GALNT13: variants seen among roughly 807,000 people sequenced by gnomAD.
GALNT13 encodes the protein polypeptide N-acetylgalactosaminyltransferase 13, also known as UDP-GalNAc:polypeptide N-acetylgalactosaminyltransferase 13.
A neutral mutation model predicts 64.2 loss-of-function variants in GALNT13; 28 were observed. The ratio of observed to expected loss-of-function variants is 0.44; its 90% CI spans 0.32 to 0.60. The LOEUF is 0.60. GALNT13 is among the 20% of genes least tolerant of loss of function. GALNT13 has a pLI of 0.05. For synonymous variants in GALNT13, 214 were observed against 224.6 expected, an observed-to-expected ratio of 0.95 and a Z score of 0.42; for missense variants, 577 against 669.8, an observed-to-expected ratio of 0.86 and a Z score of 1.53.
chr2:153,385,249 G>A, the GALNT13 span, among the ~76,000 whole-genome samples: 1 of 152,034 alleles, frequency 6.6e-6, no homozygotes, highest in Non-Finnish European at 1.5e-5. Context: ...GCTTGTTGCA[G>A]CACTGTTAAC....
chr2:153,606,877 T>G, the GALNT13 span, among the ~76,000 whole-genome samples: 1 of 151,886 alleles, frequency 6.6e-6, no homozygotes, highest in Non-Finnish European at 1.5e-5. Context: ...TTTTTTTTTT[T>G]TTTTTCGTGG....
At chr2:154,021,849 A>G (rs1467567644) in intron 3 of GALNT13, among the ~76,000 whole-genome samples, 3 of 149,998 alleles carry the variant, frequency 2.0e-5, no homozygotes, top group Non-Finnish European at 4.5e-5. Context: ...TGTCATAGAT[A>G]GCTCTTATTA....
chr2:153,789,427 G>C, the GALNT13 span, among the ~76,000 whole-genome samples: 2 of 152,106 alleles, frequency 1.3e-5, no homozygotes, highest in African/African-American at 4.8e-5. Context: ...AGAATCTCTG[G>C]GATATAGCTA....
At chr2:153,406,591 A>G in the GALNT13 span, among the ~76,000 whole-genome samples, 1 of 152,058 alleles carries the variant, frequency 6.6e-6, no homozygotes, top group Non-Finnish European at 1.5e-5. Context: ...TACTTTTGAT[A>G]GAAAGGGGGT....
At chr2:154,211,309 A>G (rs1479275687) in intron 4 of GALNT13, among the ~76,000 whole-genome samples, 1 of 151,820 alleles carries the variant, frequency 6.6e-6, no homozygotes, top group East Asian at 1.9e-4. Flanking sequence ...ATATTTGTGT[A>G]TCTAAACATA....
chr2:154,341,917 G>C (rs540468091), intron 9 of GALNT13, among the ~76,000 whole-genome samples: 44 of 152,066 alleles, frequency 2.9e-4, no homozygotes, highest in Non-Finnish European at 5.7e-4. Flanking sequence ...CAAAGATAGA[G>C]CCAAGAGTGT....
At chr2:153,712,414 C>G in the GALNT13 span, among the ~76,000 whole-genome samples, 6 of 152,070 alleles carry the variant, frequency 3.9e-5, no homozygotes, top group African/African-American at 1.4e-4. Context: ...GCCCTAGGTT[C>G]TTATCAACAT....
At chr2:153,866,217 C>T in the GALNT13 span, among the ~76,000 whole-genome samples, 1 of 133,234 alleles carries the variant, frequency 7.5e-6, no homozygotes, top group African/African-American at 2.8e-5. Flanking sequence ...TGCTAGATGA[C>T]GAGTTAGTGG....
At chr2:153,654,545 C>T in the GALNT13 span, among the ~76,000 whole-genome samples, 16 of 152,150 alleles carry the variant, frequency 1.1e-4, no homozygotes, top group South Asian at 2.5e-3. Flanking sequence ...TTGTTTACTT[C>T]TACCAGCAAT....
the GALNT13 span, among the ~76,000 whole-genome samples, chr2:153,390,749 T>C: frequency 6.6e-6 from 1 of 152,054 alleles, no homozygotes; most frequent in Non-Finnish European, 1.5e-5. Flanking sequence ...ATCCATACAT[T>C]TGAATGCTTG....
At chr2:154,009,421 A>G (rs1406100450) in intron 3 of GALNT13, among the ~76,000 whole-genome samples, 1 of 151,978 alleles carries the variant, frequency 6.6e-6, no homozygotes, top group Non-Finnish European at 1.5e-5. Context: ...ATACTTTTTA[A>G]AAAAAATTCT....
chr2:154,452,427 TA>T lies in GALNT13; in HGVS notation c.*1878del, dbSNP rs1701905987. 6.6e-6 allele frequency: 1 copy of T among 152,086 alleles called. No homozygotes were observed. The highest frequency in any genetic ancestry group is 2.1e-4 in the South Asian group (1 of 4,826). 9.4% of individuals were successfully genotyped at this position (152,086 alleles called of 1,614,324 possible). On this transcript the variant is annotated 3_prime_UTR_variant, in exon 13 of 13. Coordinates refer to ENST00000392825, the MANE Select transcript of GALNT13 (RefSeq NM_052917.4). ...TCCCCTCATTTCCTCTTCTCCTTAC[TA>T]AGGTAAAAAGACCCTGCACAGCATT...
At chr2:153,348,150 C>T in the GALNT13 span, among the ~76,000 whole-genome samples, 1 of 152,154 alleles carries the variant, frequency 6.6e-6, no homozygotes, top group East Asian at 1.9e-4. Context: ...AATTTAATAA[C>T]AAATTTCCCT....
chr2:153,865,561 T>A, the GALNT13 span, among the ~76,000 whole-genome samples: 2 of 85,484 alleles, frequency 2.3e-5, no homozygotes, highest in African/African-American at 4.7e-5. Context: ...CATGAAAAAA[T>A]GCTCATCATC....
the GALNT13 span, among the ~76,000 whole-genome samples, chr2:153,343,172 C>T: frequency 6.6e-6 from 1 of 152,230 alleles, no homozygotes; most frequent in South Asian, 2.1e-4. Context: ...TGCACCATAA[C>T]TATGATTACA....
the GALNT13 span, among the ~76,000 whole-genome samples, chr2:153,721,018 C>A: frequency 2.0e-5 from 3 of 151,910 alleles, no homozygotes; most frequent in African/African-American, 7.3e-5. Context: ...GTCAGATTCA[C>A]CAAAGTTGAA....
chr2:153,139,049 G>A, the GALNT13 span, among the ~76,000 whole-genome samples: 1 of 152,014 alleles, frequency 6.6e-6, no homozygotes, highest in South Asian at 2.1e-4. Flanking sequence ...TTTTCTTTAA[G>A]TCACAAATTT....
chr2:154,120,951 G>C (rs1681908641), intron 3 of GALNT13, among the ~76,000 whole-genome samples: 1 of 152,052 alleles, frequency 6.6e-6, no homozygotes, highest in African/African-American at 2.4e-5. Flanking sequence ...TTTCCCTAGT[G>C]TTCTCCATGA....
At chr2:153,640,499 C>G in the GALNT13 span, among the ~76,000 whole-genome samples, 796 of 152,170 alleles carry the variant, frequency 5.2e-3, 8 homozygotes, top group African/African-American at 0.018. Flanking sequence ...TTTGTCAGGG[C>G]CCGGCATGGT....
Sources: gnomAD v4.1 joint callset for allele counts (sites outside exome capture counted in the v4.1 genomes callset) on GRCh38, gnomAD v4.1.1 for gene constraint, MANE v1.5 for transcripts, NCBI Gene and HGNC (gene_info 2026-07-23, HGNC 2026-07-21) for gene names.